The following PRKN variants were observed in gnomAD, a reference collection of about 807,000 sequenced individuals.
PRKN encodes parkin RBR E3 ubiquitin protein ligase, also known as E3 ubiquitin-protein ligase parkin.
In PRKN, 56 loss-of-function variants were observed where a neutral mutation model predicts 59.5. The observed-to-expected ratio is 0.94, with a 90% CI of 0.76 to 1.18. PRKN has a LOEUF of 1.18. Among genes scored for constraint, PRKN ranks in the 50% most tolerant of loss-of-function variants. The pLI is 0.00. For synonymous variants in PRKN, 250 were observed against 222.1 expected (o/e 1.13, Z -1.12); for missense variants, 657 against 596.4 (o/e 1.10, Z -1.06).
chr6:162,107,308 T>C (rs190688864), intron 4 of PRKN, among the ~76,000 whole-genome samples: 2 of 152,170 alleles, frequency 1.3e-5, no homozygotes, highest in South Asian at 2.1e-4. Flanking sequence ...CTACTAAAAA[T>C]ACAAAAATTA....
intron 3 of PRKN, among the ~76,000 whole-genome samples, chr6:162,254,331 C>G (rs1002951344): frequency 6.6e-6 from 1 of 151,758 alleles, no homozygotes; most frequent in Non-Finnish European, 1.5e-5. Context: ...GTGGTGGGTG[C>G]CTGTAATCCC....
At chr6:161,960,184 C>A (rs186181147) in intron 6 of PRKN, among the ~76,000 whole-genome samples, 6 of 152,298 alleles carry the variant, frequency 3.9e-5, no homozygotes, top group Non-Finnish European at 8.8e-5. Flanking sequence ...GTGCTTACTG[C>A]ATGGACTCAC....
chr6:161,799,072 C>A (rs1790972797), intron 6 of PRKN, among the ~76,000 whole-genome samples: 1 of 152,204 alleles, frequency 6.6e-6, no homozygotes, highest in African/African-American at 2.4e-5. Flanking sequence ...AGCCATTTTA[C>A]ATATTACTCG....
chr6:162,557,052 C>T (rs188501727), intron 1 of PRKN, among the ~76,000 whole-genome samples: 1 of 152,324 alleles, frequency 6.6e-6, no homozygotes, highest in African/African-American at 2.4e-5. Flanking sequence ...TACCTTATGA[C>T]AAGTGTTACT....
chr6:162,567,843 T>A (rs897353317), intron 1 of PRKN, among the ~76,000 whole-genome samples: 5 of 152,178 alleles, frequency 3.3e-5, no homozygotes, highest in Non-Finnish European at 5.9e-5. Context: ...ACTGAAGGAA[T>A]CACATTACTT....
chr6:161,848,478 T>G (rs979274581), intron 6 of PRKN, among the ~76,000 whole-genome samples: 1 of 152,238 alleles, frequency 6.6e-6, no homozygotes, highest in African/African-American at 2.4e-5. Flanking sequence ...ATGCGTGATA[T>G]ATAAATCACA....
intron 3 of PRKN, among the ~76,000 whole-genome samples, chr6:162,231,950 T>C (rs1778438964): frequency 6.6e-6 from 1 of 152,172 alleles, no homozygotes; most frequent in Non-Finnish European, 1.5e-5. Flanking sequence ...AAGGCTGCTG[T>C]GTCCACAGTA....
chr6:162,342,120 A>G (rs997109003), intron 2 of PRKN, among the ~76,000 whole-genome samples: 1 of 152,202 alleles, frequency 6.6e-6, no homozygotes, highest in Admixed American at 6.5e-5. Flanking sequence ...GTGAATAACT[A>G]ACTTGGCCTT....
rs1781751078 is a variant in PRKN at position 161,592,246 on chromosome 6, G to T, written c.872-22830C>A. 6.6e-6 allele frequency among the ~76,000 whole-genome samples: 1 copy of T among 152,154 alleles called. No individual in the cohort carries two copies. The highest frequency in any genetic ancestry group is 6.5e-5 in the Admixed American group (1 of 15,278). ...AGATACAGGGGGTTGACAGACACTA[G>T]GTTGAGGTAATGCTTCATGATTGTT... On this transcript the variant is annotated intron_variant, in intron 7 of 11. Coordinates refer to ENST00000366898, the MANE Select transcript of PRKN (RefSeq NM_004562.3). This position sits in a 1 kb window ranked among gnomAD's most constrained non-coding sequence, Gnocchi z 4.8.
intron 6 of PRKN, among the ~76,000 whole-genome samples, chr6:161,801,961 C>A (rs1348520676): frequency 6.6e-6 from 1 of 152,066 alleles, no homozygotes; most frequent in Admixed American, 6.6e-5. Flanking sequence ...ACAGGCAAGG[C>A]AGAGAAAGTT....
Position 162,610,338 on chromosome 6 carries a change from T to C in PRKN, c.7+117324A>G, listed in dbSNP as rs181157087. Among the ~76,000 whole-genome samples, 435 of 152,314 alleles carry C rather than the reference T, an allele frequency of 2.9e-3. 3 individuals carry two copies. The highest frequency in any genetic ancestry group is 4.6e-3 in the Admixed American group (71 of 15,302). ...GGCTCTTCACCACATGCTATGGTTC[T>C]GTCCTAAGCAGGATTTTATTTGTAA... is the stretch of plus-strand genomic sequence containing the variant. On this transcript the variant is annotated intron_variant, in intron 1 of 11. Transcript: ENST00000366898.
chr6:161,759,601 T>C (rs1046329289), intron 7 of PRKN, among the ~76,000 whole-genome samples: 2 of 152,218 alleles, frequency 1.3e-5, no homozygotes, highest in Non-Finnish European at 2.9e-5. Context: ...CCAACTTCTT[T>C]TTTATTCTAT....
intron 1 of PRKN, among the ~76,000 whole-genome samples, chr6:162,558,889 A>G (rs987861271): frequency 1.3e-5 from 2 of 150,646 alleles, no homozygotes; most frequent in African/African-American, 4.9e-5. Flanking sequence ...TGATCTGCCC[A>G]CCTCAGCCTC....
chr6:162,708,500 C>A (rs957780643), intron 1 of PRKN, among the ~76,000 whole-genome samples: 4 of 152,192 alleles, frequency 2.6e-5, no homozygotes, highest in Admixed American at 2.0e-4. Flanking sequence ...AAGCTGCTTC[C>A]TTTGAAACAA....
chr6:162,110,518 C>A (rs372491371), intron 4 of PRKN, among the ~76,000 whole-genome samples: 2 of 152,138 alleles, frequency 1.3e-5, no homozygotes, highest in African/African-American at 2.4e-5. Context: ...CAAATGTAAA[C>A]AAACAATATA....
rs1340954159 is a variant in PRKN at position 161,466,007 on chromosome 6, A to T, written c.1084-79130T>A. Among the ~76,000 whole-genome samples the T allele has an allele frequency of 6.6e-6, 1 of 152,212 alleles. No homozygotes were observed. The highest frequency in any genetic ancestry group is 1.9e-4 in the East Asian group (1 of 5,196). ...TAATGACTTGATATCTGTATACACTATGTAATAATTACAATCAAATTAATC... is the reference window on the plus strand; with the variant it reads ...TAATGACTTGATATCTGTATACACTTTGTAATAATTACAATCAAATTAATC... On this transcript the variant is annotated intron_variant, in intron 9 of 11. Coordinates refer to ENST00000366898, the MANE Select transcript of PRKN (RefSeq NM_004562.3). The surrounding 1 kb of genome is among the most constrained non-coding windows in gnomAD (Gnocchi z 5.0).
intron 2 of PRKN, among the ~76,000 whole-genome samples, chr6:162,382,319 G>T (rs1425774416): frequency 6.6e-6 from 1 of 152,026 alleles, no homozygotes; most frequent in East Asian, 1.9e-4. Context: ...AAATAATAAT[G>T]AAAACTTGAG....
At chr6:161,991,911 C>T (rs931643571) in intron 5 of PRKN, among the ~76,000 whole-genome samples, 6 of 152,124 alleles carry the variant, frequency 3.9e-5, no homozygotes, top group African/African-American at 7.2e-5. Flanking sequence ...AAGAAAAACA[C>T]TTCACCTATA....
rs1783427219 is a variant in PRKN, at chr6:162,328,727, T to G, written c.172-65962A>C. Among the ~76,000 whole-genome samples, 3 of 152,068 alleles carry G rather than the reference T, an allele frequency of 2.0e-5. No homozygotes were observed. The South Asian group carries it at 6.2e-4, about 31-fold the overall frequency. On this transcript the variant is annotated intron_variant, in intron 2 of 11. Coordinates refer to ENST00000366898, the MANE Select transcript of PRKN (RefSeq NM_004562.3). ...TGAAGCTTCAGAGAAGAAGGAACAA[T>G]TAAAACAGGCTCCAGGGATGAGGAG...
Sources: allele counts gnomAD v4.1 joint callset (sites outside exome capture counted in the v4.1 genomes callset), GRCh38; gene constraint gnomAD v4.1.1; non-coding constraint Gnocchi (gnomAD v3.1); transcripts MANE v1.5; gene names NCBI Gene and HGNC (gene_info 2026-07-23, HGNC 2026-07-21).